The following GMDS variants were observed in gnomAD, a reference collection of about 807,000 sequenced individuals.
The protein encoded by GMDS is GDP-mannose 4,6 dehydratase.
In GMDS, 20 loss-of-function variants were observed where a neutral mutation model predicts 49.9. The observed-to-expected ratio is 0.40, with a 90% confidence interval of 0.28 to 0.58. The LOEUF (loss-of-function observed/expected upper bound fraction) is 0.58. GMDS is among the 20% of genes least tolerant of loss of function. GMDS has a pLI of 0.42. For synonymous variants in GMDS, 177 were observed against 178.6 expected, an observed-to-expected ratio of 0.99 and a Z score of 0.07; for missense variants, 362 against 481.4, an observed-to-expected ratio of 0.75 and a Z score of 2.32.
Position 2,081,259 on chromosome 6 carries a change from C to T in GMDS, c.345+34512G>A, listed in dbSNP as rs563769948. On this transcript the variant is annotated intron_variant, in intron 4 of 10. Coordinates refer to ENST00000380815, the MANE Select transcript of GMDS (RefSeq NM_001500.4). ...ACAGAAAAATATGCCCTAGGAACTC[C>T]GGATGGTTTTCTCTGGCTACACACA... Among the ~76,000 whole-genome samples, 3 of 152,226 alleles carry T rather than the reference C, an allele frequency of 2.0e-5. No individual in the cohort carries two copies. The East Asian group carries it at 5.8e-4, about 29-fold the overall frequency.
intron 9 of GMDS, among the ~76,000 whole-genome samples, chr6:1,667,892 GT>G (rs1391858290): frequency 6.6e-6 from 1 of 151,444 alleles, no homozygotes; most frequent in Non-Finnish European, 1.5e-5. Flanking sequence ...TCCTGGTTAA[GT>G]TTCTTTCTAA....
intron 7 of GMDS, among the ~76,000 whole-genome samples, chr6:1,769,653 A>C (rs557480154): frequency 4.6e-5 from 7 of 152,326 alleles, no homozygotes; most frequent in African/African-American, 1.7e-4. Context: ...ATTAGCACAG[A>C]CACAAAATTT....
At chr6:2,189,652 A>T (rs1261788226) in intron 1 of GMDS, among the ~76,000 whole-genome samples, 1 of 152,118 alleles carries the variant, frequency 6.6e-6, no homozygotes, top group Non-Finnish European at 1.5e-5. Flanking sequence ...CATCCAGAGC[A>T]TTTTTCTGGG....
At chr6:2,112,655 T>C (rs765881963) in intron 4 of GMDS, among the ~76,000 whole-genome samples, 2 of 152,226 alleles carry the variant, frequency 1.3e-5, no homozygotes, top group Non-Finnish European at 2.9e-5. Flanking sequence ...ATTTCCCTTA[T>C]AACCTCTCAA....
intron 7 of GMDS, among the ~76,000 whole-genome samples, chr6:1,762,332 G>A (rs3800039): frequency 1.3e-5 from 2 of 152,278 alleles, no homozygotes; most frequent in Admixed American, 1.3e-4. Context: ...TTTCAGAGAG[G>A]CATGGGCTCC....
chr6:1,883,409 GATA>G (rs1034399978), intron 7 of GMDS, among the ~76,000 whole-genome samples: 6 of 151,776 alleles, frequency 4.0e-5, no homozygotes, highest in Non-Finnish European at 5.9e-5. Context: ...AAAATAAAAT[GATA>G]ATAATAATTT....
At chr6:2,144,604 A>G (rs895556154) in intron 1 of GMDS, among the ~76,000 whole-genome samples, 8 of 152,192 alleles carry the variant, frequency 5.3e-5, no homozygotes, top group African/African-American at 1.9e-4. Context: ...AGGTCTGGGT[A>G]TGGACTAGTT....
At chr6:2,159,105 T>C (rs1777253030) in intron 1 of GMDS, among the ~76,000 whole-genome samples, 1 of 152,234 alleles carries the variant, frequency 6.6e-6, no homozygotes, top group Admixed American at 6.5e-5. Context: ...CCAGTGTTTC[T>C]ATCACATGTT....
In GMDS at chr6:1,820,900, G is replaced by T. The variant is rs541936982; in HGVS notation, c.772-78314C>A. 3.3e-5 allele frequency among the ~76,000 whole-genome samples: 5 copies of T among 152,322 alleles called. No individual in the cohort carries two copies. In the South Asian group the frequency reaches 1.0e-3, roughly 32 times the overall value. Reference sequence around the variant, plus strand: ...AAATCTCTGCTCCTGGCCACTGGGTGGTCCTGCACGCATGGGCATGGGGCT... The same window carrying T: ...AAATCTCTGCTCCTGGCCACTGGGTTGTCCTGCACGCATGGGCATGGGGCT... On this transcript the variant is annotated intron_variant, in intron 7 of 10. Transcript: ENST00000380815.
chr6:1,700,132 T>A (rs1765494227), intron 9 of GMDS, among the ~76,000 whole-genome samples: 1 of 152,222 alleles, frequency 6.6e-6, no homozygotes, highest in Non-Finnish European at 1.5e-5. Context: ...TGCATACTAA[T>A]TTTGTCCATC....
In GMDS at chr6:1,696,451, T is replaced by C. The variant is rs529273213; in HGVS notation, c.987+29965A>G. 2.6e-5 allele frequency among the ~76,000 whole-genome samples: 4 copies of C among 152,354 alleles called. No homozygotes were observed. In the Middle Eastern group the frequency reaches 0.01, roughly 389 times the overall value. ...AATTTTGGCTACTTTAGTTGCTTTG[T>C]TTCTCCTCCACTTAAGTAAATATTC... is the stretch of plus-strand genomic sequence containing the variant. On this transcript the variant is annotated intron_variant, in intron 9 of 10. Transcript: ENST00000380815.
At chr6:1,853,404 G>A (rs1284133610) in intron 7 of GMDS, among the ~76,000 whole-genome samples, 2 of 147,160 alleles carry the variant, frequency 1.4e-5, no homozygotes, top group African/African-American at 2.7e-5. Flanking sequence ...TGTAGTCCCA[G>A]CTACTGGGGA....
At chr6:2,129,945 T>C (rs766170294) in intron 1 of GMDS, among the ~76,000 whole-genome samples, 3 of 152,194 alleles carry the variant, frequency 2.0e-5, no homozygotes, top group Non-Finnish European at 4.4e-5. Flanking sequence ...AACCCTCTCA[T>C]TTTACAGATC....
chr6:2,186,105 C>A (rs1778767550), intron 1 of GMDS, among the ~76,000 whole-genome samples: 1 of 152,140 alleles, frequency 6.6e-6, no homozygotes, highest in South Asian at 2.1e-4. Flanking sequence ...CCAGGTGGTT[C>A]TAATGAAGCC....
chr6:1,707,203 T>C (rs868085034), intron 9 of GMDS, among the ~76,000 whole-genome samples: 7 of 152,344 alleles, frequency 4.6e-5, no homozygotes, highest in Middle Eastern at 3.4e-3. Flanking sequence ...TACATCTCCA[T>C]TGTGCTCACC....
intron 4 of GMDS, among the ~76,000 whole-genome samples, chr6:1,980,959 TGAA>T (rs1174227190): frequency 6.6e-6 from 1 of 152,124 alleles, no homozygotes; most frequent in African/African-American, 2.4e-5. Flanking sequence ...AATAATGAAA[TGAA>T]GACAGAAATC....
intron 1 of GMDS, among the ~76,000 whole-genome samples, chr6:2,235,874 G>GT (rs1347692293): frequency 6.6e-6 from 1 of 151,520 alleles, no homozygotes; most frequent in African/African-American, 2.4e-5. Context: ...TGCCAATCTG[G>GT]TAAGTTTCAG....
chr6:2,137,004 A>C (rs764075233), intron 1 of GMDS, among the ~76,000 whole-genome samples: 1 of 152,180 alleles, frequency 6.6e-6, no homozygotes, highest in Non-Finnish European at 1.5e-5. Context: ...TAAGCTAATT[A>C]ACTCTTGTGT....
chr6:1,863,605 T>C (rs965430999), intron 7 of GMDS, among the ~76,000 whole-genome samples: 31 of 152,184 alleles, frequency 2.0e-4, no homozygotes, highest in African/African-American at 6.8e-4. Flanking sequence ...AATTTAAAAA[T>C]TCTGACACGT....
Sources: allele counts gnomAD v4.1 joint callset (sites outside exome capture counted in the v4.1 genomes callset), GRCh38; gene constraint gnomAD v4.1.1; transcripts MANE v1.5; gene names NCBI Gene and HGNC (gene_info 2026-07-23, HGNC 2026-07-21).